Variants in PCDHA5 observed in about 807,000 individuals in gnomAD.
The protein encoded by PCDHA5 is protocadherin alpha 5, also known as protocadherin alpha-5.
A neutral mutation model predicts 61.6 loss-of-function variants in PCDHA5; 43 were observed. The observed-to-expected ratio is 0.70, with a 90% CI of 0.55 to 0.90. The LOEUF (loss-of-function observed/expected upper bound fraction) is 0.90, where lower values mean the gene tolerates loss of function less well. PCDHA5 is among the 40% of genes least tolerant of loss of function. The pLI is 0.00. For synonymous variants in PCDHA5, 627 were observed against 543.9 expected (o/e 1.15, Z -2.13); for missense variants, 1,298 against 1,222.7 (o/e 1.06, Z -0.92).
In PCDHA5 at chr5:140,846,411, A is replaced by G. The variant is rs2150390591; in HGVS notation, c.2352+22284A>G. On this transcript the variant is annotated intron_variant, in intron 1 of 3. Transcript: ENST00000529859. ...TTTTTTTGAGACGGAGTCTCGCTCT[A>G]TCTCCCAGGCTGGAATGCAGTGGCG... is the stretch of plus-strand genomic sequence containing the variant. Among the ~76,000 whole-genome samples the G allele has an allele frequency of 5.5e-3, 604 of 109,334 alleles. 20 individuals are homozygous for G. The highest frequency in any genetic ancestry group is 0.021 in the African/African-American group (587 of 27,602). 71.7% of individuals were successfully genotyped at this position (109,334 alleles called of 152,430 possible). A position where few individuals can be genotyped will look rare whatever the true frequency, so the allele number is the denominator to read the frequency against.
intron 1 of PCDHA5, chr5:140,871,485 C>T (rs1554165663): frequency 8.2e-6 from 13 of 1,593,104 alleles, no homozygotes; most frequent in Admixed American, 1.8e-5. Context: ...GGTCAAATCA[C>T]CCCGGACAGG....
chr5:140,866,649 T>G (rs1554160460), intron 1 of PCDHA5: 4 of 152,162 alleles, frequency 2.6e-5, no homozygotes, highest in African/African-American at 9.6e-5. Context: ...AAAATTTATT[T>G]ATGTGTTTTC....
rs185756096 is a variant in PCDHA5, at chr5:140,914,471, T to C, written c.2353-64478T>C. On this transcript the variant is annotated intron_variant, in intron 1 of 3. Coordinates refer to ENST00000529859, the MANE Select transcript of PCDHA5 (RefSeq NM_018908.3). The stretch of plus-strand genomic sequence containing the variant: ...ATTTTCCAGTCTATGTGTATCTTCA[T>C]AGGTGAAGTGTTTCTTGTGGGCAAC... Among the ~76,000 whole-genome samples the C allele has an allele frequency of 2.9e-3, 442 of 152,310 alleles. 1 individual carries two copies. Among genetic ancestry groups the C allele is most frequent in the African/African-American group, 0.01 (423 of 41,574 alleles).
At chr5:140,941,558 A>G (rs903071259) in intron 1 of PCDHA5, among the ~76,000 whole-genome samples, 1 of 151,596 alleles carries the variant, frequency 6.6e-6, no homozygotes, top group African/African-American at 2.4e-5. Context: ...CTCGTGATCC[A>G]TTCGCCTCAG....
In PCDHA5 at chr5:140,857,008, T is replaced by C. The variant is rs2044317901; in HGVS notation, c.2352+32881T>C. On this transcript the variant is annotated intron_variant, in intron 1 of 3. Transcript: ENST00000529859. The stretch of plus-strand genomic sequence containing the variant: ...GTAACACTTATGAAATTCATGTAGA[T>C]GTTACAGATAAGGGAAACCCACCTA... 4 of 1,595,746 alleles carry C rather than the reference T, an allele frequency of 2.5e-6. 1 individual carries two copies. Among genetic ancestry groups the C allele is most frequent in the Non-Finnish European group, 3.4e-6 (4 of 1,165,590 alleles).
intron 1 of PCDHA5, chr5:140,863,681 T>C (rs2048119190): frequency 6.8e-6 from 2 of 294,950 alleles, no homozygotes; most frequent in Non-Finnish European, 1.3e-5. Flanking sequence ...TTTTGCTTTT[T>C]CTTTTGAGAT....
chr5:140,941,191 T>TTTCTTTCTTTCTTTCTTTCTTTC (rs1487503403), intron 1 of PCDHA5, among the ~76,000 whole-genome samples: 1 of 93,206 alleles, frequency 1.1e-5, no homozygotes, highest in South Asian at 2.8e-4. Flanking sequence ...GCTTCTTTTT[T>TTTCTTTCTTTCTTTCTTTCTTTC]TTTCTTTCTT....
chr5:140,877,320 C>G, intron 1 of PCDHA5: 1 of 1,613,972 alleles, frequency 6.2e-7, no homozygotes, highest in Non-Finnish European at 8.5e-7. Context: ...CGGCGGCGGT[C>G]GGCGCGCACA....
Position 140,821,789 on chromosome 5 carries a change from G to T in PCDHA5, c.14G>T (p.Arg5Leu), listed in dbSNP as rs1199538378. 1 of 1,611,922 alleles carries T rather than the reference G, an allele frequency of 6.2e-7. No individual in the cohort carries two copies. The highest frequency in any genetic ancestry group is 1.7e-5 in the Admixed American group (1 of 59,882). The change falls in exon 1 of 4, where the codon CGG becomes CTG. Residue 5 changes from arginine to leucine, a missense_variant. Physicochemically the swap from Arg to Leu is moderately radical, Grantham distance 102 (BLOSUM62 -2). Coordinates refer to ENST00000529859, the MANE Select transcript of PCDHA5 (RefSeq NM_018908.3). MVYS[R>L]RGSLGSRLLL... The stretch of plus-strand genomic sequence containing the variant: ...AACGAGATTGAGATGGTATATTCCC[G>T]GAGAGGAAGTCTGGGATCCCGGCTC...
chr5:140,928,216 A>T, intron 1 of PCDHA5: 1 of 1,614,188 alleles, frequency 6.2e-7, no homozygotes, highest in Non-Finnish European at 8.5e-7. Context: ...GAATGACAAT[A>T]CACCAAACTT....
intron 1 of PCDHA5, chr5:140,858,026 G>A (rs2045118018): frequency 6.3e-7 from 1 of 1,597,020 alleles, no homozygotes; most frequent in Non-Finnish European, 8.6e-7. Context: ...GTCGCTGACG[G>A]CCACGGCCAC....
In PCDHA5 at chr5:140,849,941, T is replaced by G. The variant is rs2150458780; in HGVS notation, c.2352+25814T>G. The G allele has an allele frequency of 0.63, 1,006,911 of 1,597,380 alleles. 351,403 individuals carry two copies. Among genetic ancestry groups the G allele is most frequent in the African/African-American group, 0.85 (63,094 of 74,394 alleles). Reference sequence around the variant, plus strand: ...TCTTCACGGTGTCTGCGCGGGACGCTGACGCGCAGGAGAACGCCCTGGTGT... The same window carrying G: ...TCTTCACGGTGTCTGCGCGGGACGCGGACGCGCAGGAGAACGCCCTGGTGT... On this transcript the variant is annotated intron_variant, in intron 1 of 3. Coordinates refer to ENST00000529859, the MANE Select transcript of PCDHA5 (RefSeq NM_018908.3).
chr5:140,841,573 G>C, intron 1 of PCDHA5: 1 of 1,614,016 alleles, frequency 6.2e-7, no homozygotes. Flanking sequence ...ATGGCATTTT[G>C]TTTGTGAATT....
At chr5:140,835,979 G>T (rs1774093579) in intron 1 of PCDHA5, 2 of 1,613,412 alleles carry the variant, frequency 1.2e-6, no homozygotes, top group East Asian at 4.5e-5. Context: ...AGCTGTTGCA[G>T]TTCCAGGTGA....
intron 1 of PCDHA5, among the ~76,000 whole-genome samples, chr5:140,956,797 G>T (rs1224324866): frequency 6.6e-6 from 1 of 152,040 alleles, no homozygotes; most frequent in Non-Finnish European, 1.5e-5. Flanking sequence ...TGCTTGGTGG[G>T]CTATTTATTA....
At position 140,958,540 on chromosome 5, in the gene PCDHA5, A is replaced by G. The variant is rs920451567; in HGVS notation, c.2353-20409A>G. 4.6e-5 allele frequency among the ~76,000 whole-genome samples: 7 copies of G among 152,312 alleles called. 1 individual carries two copies. In the East Asian group the frequency reaches 1.3e-3, roughly 29 times the overall value. On this transcript the variant is annotated intron_variant, in intron 1 of 3. Coordinates refer to ENST00000529859, the MANE Select transcript of PCDHA5 (RefSeq NM_018908.3). ...ATATATACTATGTGTACATTGATTT[A>G]TGAACCAATAAATGTTTCATACACA... is the stretch of plus-strand genomic sequence containing the variant.
At chr5:140,931,574 C>A (rs1311706898) in intron 1 of PCDHA5, among the ~76,000 whole-genome samples, 1 of 152,024 alleles carries the variant, frequency 6.6e-6, no homozygotes, top group Non-Finnish European at 1.5e-5. Flanking sequence ...CCATCCCATT[C>A]ATTCAGTTGA....
chr5:140,851,254 A>G (rs2150271165), intron 1 of PCDHA5: 1 of 1,091,684 alleles, frequency 9.2e-7, no homozygotes, highest in East Asian at 4.0e-5. Context: ...GATGCATAGT[A>G]TTTTAGTCTA....
At chr5:140,837,121 A>G (rs2150273262) in intron 1 of PCDHA5, 1 of 156,722 alleles carries the variant, frequency 6.4e-6, no homozygotes, top group East Asian at 1.9e-4. Context: ...GTTACCTAAT[A>G]TTTTATTCTA....
Sources: allele counts gnomAD v4.1 joint callset (sites outside exome capture counted in the v4.1 genomes callset), GRCh38; gene constraint gnomAD v4.1.1; transcripts MANE v1.5; gene names NCBI Gene and HGNC (gene_info 2026-07-23, HGNC 2026-07-21).